Variants in IGSF3 observed in about 807,000 individuals in gnomAD.
IGSF3 encodes glu-Trp-Ile EWI motif-containing protein 3.
A neutral mutation model predicts 114.4 loss-of-function variants in IGSF3; 23 were observed. That is an observed-to-expected ratio of 0.20 (90% CI 0.14 to 0.28). IGSF3 has a LOEUF of 0.28. Ranked by LOEUF, IGSF3 falls within the 10% of genes least tolerant of loss-of-function variation. IGSF3 has a pLI of 1.00. For missense variants in IGSF3, 1,172 were observed against 1,591.5 expected (o/e 0.74, Z 4.48); for synonymous variants, 571 against 645.2 (o/e 0.88, Z 1.74).
At position 116,584,841 on chromosome 1, in the gene IGSF3, C is replaced by T; in HGVS notation, c.2652G>A (p.Lys884=). Residue 884 remains lysine, a synonymous_variant, in exon 9 of 11, where the codon AAG becomes AAA. Coordinates refer to ENST00000369486, the MANE Select transcript of IGSF3 (RefSeq NM_001007237.3). The surrounding 1 kb of genome is among the most constrained non-coding windows in gnomAD (Gnocchi z 5.8). Reference sequence around the variant, plus strand: ...AATGCAGCCGCCCCTTCAGATTGTTCTTGGCTGCCTGCTCTCCATAGTGGA... The same window carrying T: ...AATGCAGCCGCCCCTTCAGATTGTTTTTGGCTGCCTGCTCTCCATAGTGGA... ...ATFHYGEQAA[K]NNLKGRLHLE... 1 of 1,614,250 alleles carries T rather than the reference C, an allele frequency of 6.2e-7. No homozygotes were observed. Among genetic ancestry groups the T allele is most frequent in the Non-Finnish European group, 8.5e-7 (1 of 1,180,046 alleles).
intron 2 of IGSF3, among the ~76,000 whole-genome samples, chr1:116,621,397 A>C (rs1335425799): frequency 6.6e-6 from 1 of 152,194 alleles, no homozygotes; most frequent in Non-Finnish European, 1.5e-5. Flanking sequence ...CCTGGGCTCA[A>C]GTAATCCTCC....
At chr1:116,645,197 A>G (rs1313327196) in intron 2 of IGSF3, among the ~76,000 whole-genome samples, 1 of 152,292 alleles carries the variant, frequency 6.6e-6, no homozygotes, top group Non-Finnish European at 1.5e-5. Context: ...AACTAGATAT[A>G]CACAAGAACA....
chr1:116,658,747 TGGCCTC>T (rs1377224864), intron 2 of IGSF3, among the ~76,000 whole-genome samples: 1 of 152,200 alleles, frequency 6.6e-6, no homozygotes, highest in East Asian at 1.9e-4. Flanking sequence ...GGAGTTACTC[TGGCCTC>T]CCCTTCACTC....
At chr1:116,645,642 G>C (rs1314359963) in intron 2 of IGSF3, among the ~76,000 whole-genome samples, 3 of 152,188 alleles carry the variant, frequency 2.0e-5, no homozygotes, top group African/African-American at 7.2e-5. Context: ...ATTTGTACAG[G>C]TGGCTGCATA....
intron 2 of IGSF3, among the ~76,000 whole-genome samples, chr1:116,660,560 T>C (rs749854558): frequency 6.8e-6 from 1 of 146,276 alleles, no homozygotes; most frequent in Non-Finnish European, 1.5e-5. Flanking sequence ...TCTCAGCTCA[T>C]GGCAACCTCC....
chr1:116,600,276 T>G lies in IGSF3; in HGVS notation c.1694A>C (p.Gln565Pro). Residue 565 changes from glutamine to proline, a missense_variant, in exon 7 of 11, where the codon CAG becomes CCG. Around this residue, in one of 3 missense-constraint regions of IGSF3, gnomAD observed 736 missense variants for 1,042.0 expected, o/e 0.71. Coordinates refer to ENST00000369486, the MANE Select transcript of IGSF3 (RefSeq NM_001007237.3). This position sits in a 1 kb window ranked among gnomAD's most constrained non-coding sequence, Gnocchi z 5.5. ...GVTYSDSFDL[Q>P]CIIKPHYPAW... is the part of the protein sequence containing the mutation. ...AGGGTAGTGGGGTTTGATGATACAC[T>G]GCAAGTCAAAGGAGTCGCTGTAGGT... 6.2e-7 allele frequency: 1 copy of G among 1,613,908 alleles called. No homozygotes were observed. Among genetic ancestry groups the G allele is most frequent in the East Asian group, 2.2e-5 (1 of 44,886 alleles).
rs954153225 is a variant in IGSF3, at chr1:116,583,152, A to G, written c.2848+1493T>C. ...CTCAGAGTTATTGTGAAGACTGAAC[A>G]TAAGTCTCCTAACTGTGGCTGGGAT... On this transcript the variant is annotated intron_variant, in intron 9 of 10. Coordinates refer to ENST00000369486, the MANE Select transcript of IGSF3 (RefSeq NM_001007237.3). The surrounding 1 kb of genome is among the most constrained non-coding windows in gnomAD (Gnocchi z 4.5). Among the ~76,000 whole-genome samples, 3 of 152,210 alleles carry G rather than the reference A, an allele frequency of 2.0e-5. No homozygotes were observed. Among genetic ancestry groups the G allele is most frequent in the Non-Finnish European group, 4.4e-5 (3 of 68,048 alleles).
rs1220900342 is a variant in IGSF3, at chr1:116,648,595, C to T, written c.43+17689G>A. 6.6e-6 allele frequency among the ~76,000 whole-genome samples: 1 copy of T among 152,254 alleles called. No homozygotes were observed. The highest frequency in any genetic ancestry group is 1.5e-5 in the Non-Finnish European group (1 of 68,046). On this transcript the variant is annotated intron_variant, in intron 2 of 10. Coordinates refer to ENST00000369486, the MANE Select transcript of IGSF3 (RefSeq NM_001007237.3). The surrounding 1 kb of genome is among the most constrained non-coding windows in gnomAD (Gnocchi z 4.7). Reference sequence around the variant, plus strand: ...TCAGCCAGGCAAGATTGATGCAACACTGTAACAAAGCGTGTGCAAAGTGCC... The same window carrying T: ...TCAGCCAGGCAAGATTGATGCAACATTGTAACAAAGCGTGTGCAAAGTGCC...
chr1:116,623,052 G>A (rs552198712), intron 2 of IGSF3, among the ~76,000 whole-genome samples: 1 of 152,324 alleles, frequency 6.6e-6, no homozygotes, highest in East Asian at 1.9e-4. Flanking sequence ...GAAAGCAATC[G>A]GGAAGGCCAC....
At chr1:116,609,209 A>G (rs1245821043) in intron 4 of IGSF3, among the ~76,000 whole-genome samples, 1 of 151,918 alleles carries the variant, frequency 6.6e-6, no homozygotes, top group Admixed American at 6.6e-5. Flanking sequence ...ACTAAACCCA[A>G]GCAGCCTCCT....
Position 116,600,025 on chromosome 1 carries a change from G to T in IGSF3, c.1945C>A (p.Leu649Met). The change falls in exon 7 of 11, where the codon CTG becomes ATG. Residue 649 changes from leucine to methionine, a missense_variant. This residue lies in a region of IGSF3 where 736 missense variants were observed against 1,042.0 expected (regional missense o/e 0.71). Coordinates refer to ENST00000369486, the MANE Select transcript of IGSF3 (RefSeq NM_001007237.3). The surrounding 1 kb of genome is among the most constrained non-coding windows in gnomAD (Gnocchi z 5.5). ...GTGTTGTTGTAGTTCTTCCGCCACA[G>T]CTCTGCCACACACTGGTACTTGCCT... ...EAGKYQCVAELWRKNYNNTWT... is the reference protein window; with the variant it reads ...EAGKYQCVAEMWRKNYNNTWT... 1.9e-6 allele frequency: 3 copies of T among 1,614,176 alleles called. No homozygotes were observed. The Middle Eastern group carries it at 5.0e-4, about 267-fold the overall frequency.
chr1:116,600,354 A>C lies in IGSF3; in HGVS notation c.1625-9T>G, dbSNP rs991759821. 22 of 1,601,992 alleles carry C rather than the reference A, an allele frequency of 1.4e-5. No homozygotes were observed. Among genetic ancestry groups the C allele is most frequent in the Non-Finnish European group, 1.9e-5 (22 of 1,172,540 alleles). On this transcript the variant is annotated splice_polypyrimidine_tract_variant and intron_variant, in intron 6 of 10. Coordinates refer to ENST00000369486, the MANE Select transcript of IGSF3 (RefSeq NM_001007237.3). This position sits in a 1 kb window ranked among gnomAD's most constrained non-coding sequence, Gnocchi z 5.5. ...GACTGCGAAGCCCATTTCTGGAGAG[A>C]AAGCAGAGAGATTCAACCAGAGGAG...
At chr1:116,640,037 C>CAAAAAAAAAAAAAAA (rs34003833) in intron 2 of IGSF3, among the ~76,000 whole-genome samples, 4 of 65,288 alleles carry the variant, frequency 6.1e-5, no homozygotes, top group Non-Finnish European at 1.2e-4. Context: ...GACTCTATCT[C>CAAAAAAAAAAAAAAA]AAAAAAAAAA....
intron 2 of IGSF3, among the ~76,000 whole-genome samples, chr1:116,617,939 C>G (rs2101511486): frequency 1.3e-5 from 2 of 152,364 alleles, no homozygotes; most frequent in African/African-American, 4.8e-5. Flanking sequence ...TTCCCTTTTC[C>G]CCCACAAATG....
At position 116,649,588 on chromosome 1, in the gene IGSF3, A is replaced by G. The variant is rs1338230528; in HGVS notation, c.43+16696T>C. ...CTTCTTCACCAGTTAATTTATTACA[A>G]TCTTCCTTTGACAGCTTCACTCCCT... On this transcript the variant is annotated intron_variant, in intron 2 of 10. Transcript: ENST00000369486. The surrounding 1 kb of genome is among the most constrained non-coding windows in gnomAD (Gnocchi z 4.5). Among the ~76,000 whole-genome samples, 4 of 152,176 alleles carry G rather than the reference A, an allele frequency of 2.6e-5. No homozygotes were observed. Among genetic ancestry groups the G allele is most frequent in the Non-Finnish European group, 4.4e-5 (3 of 68,034 alleles).
rs568230439 is a variant in IGSF3 at position 116,612,833 on chromosome 1, C to A, written c.832+932G>T. On this transcript the variant is annotated intron_variant, in intron 4 of 10. Coordinates refer to ENST00000369486, the MANE Select transcript of IGSF3 (RefSeq NM_001007237.3). The surrounding 1 kb of genome is among the most constrained non-coding windows in gnomAD (Gnocchi z 4.1). ...GGGATCTGAAGGCCCATGTGAGAAC[C>A]TGCCCTCAGCCCAGCAGAGGCAGCC... Among the ~76,000 whole-genome samples the A allele has an allele frequency of 1.6e-4, 24 of 152,258 alleles. No homozygotes were observed. Among genetic ancestry groups the A allele is most frequent in the Non-Finnish European group, 3.2e-4 (22 of 68,040 alleles).
At position 116,657,572 on chromosome 1, in the gene IGSF3, TTAATTACTCCCTAATGGTCTGGGAA is replaced by T. The variant is rs1404128222; in HGVS notation, c.43+8687_43+8711del. On this transcript the variant is annotated intron_variant, in intron 2 of 10. Coordinates refer to ENST00000369486, the MANE Select transcript of IGSF3 (RefSeq NM_001007237.3). The surrounding 1 kb of genome is among the most constrained non-coding windows in gnomAD (Gnocchi z 4.2). Reference sequence around the variant, plus strand: ...CTGGTTATCATGTGGGAAAAAAGGTTTAATTACTCCCTAATGGTCTGGGAAACCAAAGATTTCAAAATACGGAGCT... The same window carrying T: ...CTGGTTATCATGTGGGAAAAAAGGTTACCAAAGATTTCAAAATACGGAGCT... 6.6e-6 allele frequency among the ~76,000 whole-genome samples: 1 copy of T among 152,120 alleles called. No homozygotes were observed. The highest frequency in any genetic ancestry group is 1.5e-5 in the Non-Finnish European group (1 of 68,024).
chr1:116,661,027 T>C lies in IGSF3; in HGVS notation c.43+5257A>G, dbSNP rs1649092318. ...AATTAACTGGGCCAGGTGTGGTAGC[T>C]CACGCCTGTAATTTCAGCATTTTGG... is the stretch of plus-strand genomic sequence containing the variant. On this transcript the variant is annotated intron_variant, in intron 2 of 10. Coordinates refer to ENST00000369486, the MANE Select transcript of IGSF3 (RefSeq NM_001007237.3). The surrounding 1 kb of genome is among the most constrained non-coding windows in gnomAD (Gnocchi z 4.0). Among the ~76,000 whole-genome samples, 1 of 152,156 alleles carries C rather than the reference T, an allele frequency of 6.6e-6. No individual in the cohort carries two copies. Among genetic ancestry groups the C allele is most frequent in the Admixed American group, 6.5e-5 (1 of 15,278 alleles).
At chr1:116,643,959 T>C (rs577305056) in intron 2 of IGSF3, among the ~76,000 whole-genome samples, 1 of 152,218 alleles carries the variant, frequency 6.6e-6, no homozygotes, top group East Asian at 1.9e-4. Context: ...GTCTCTGCCC[T>C]CCCCAAACAC....
Sources: allele counts gnomAD v4.1 joint callset (sites outside exome capture counted in the v4.1 genomes callset), GRCh38; gene constraint gnomAD v4.1.1; regional missense constraint gnomAD v4.1.1; non-coding constraint Gnocchi (gnomAD v3.1); transcripts MANE v1.5; gene names NCBI Gene and HGNC (gene_info 2026-07-23, HGNC 2026-07-21).